Variants in EYS observed in about 807,000 individuals in gnomAD.
The protein encoded by EYS is EGF-like photoreceptor maintenance factor, also known as protein eyes shut homolog.
Under a neutral mutation model 282.1 loss-of-function variants are expected in EYS, and 250 were observed. That is an observed-to-expected ratio of 0.89 (90% CI 0.80 to 0.98). The LOEUF is 0.98. EYS is among the 50% of genes least tolerant of loss of function. The pLI, the probability that EYS is intolerant of heterozygous loss-of-function variation, is 0.00. For missense variants in EYS, 4,016 were observed against 3,709.0 expected (o/e 1.08, Z -2.15); for synonymous variants, 1,355 against 1,282.9 (o/e 1.06, Z -1.20).
At position 64,129,658 on chromosome 6, in the gene EYS, G is replaced by T. The variant is rs868419083; in HGVS notation, c.6425-47656C>A. ...AATTAGATCCCATTTGTCAATTTTG[G>T]CTTTTGTTGCCATTGCTTTTGGTGT... On this transcript the variant is annotated intron_variant, in intron 31 of 42. Transcript: ENST00000503581. Among the ~76,000 whole-genome samples the T allele has an allele frequency of 8.4e-4, 128 of 152,168 alleles. 1 individual carries two copies. Among genetic ancestry groups the T allele is most frequent in the African/African-American group, 2.7e-3 (113 of 41,524 alleles).
chr6:64,799,732 T>A (rs1225929675), intron 22 of EYS, among the ~76,000 whole-genome samples: 1 of 151,012 alleles, frequency 6.6e-6, no homozygotes, highest in African/African-American at 2.4e-5. Flanking sequence ...CTATCTCAAA[T>A]AAAAAATGTT....
chr6:64,064,741 C>T (rs369316267), intron 33 of EYS, among the ~76,000 whole-genome samples: 29 of 152,152 alleles, frequency 1.9e-4, no homozygotes, highest in African/African-American at 4.6e-4. Context: ...ATTTAACCCC[C>T]GAATAGCAAT....
intron 2 of EYS, among the ~76,000 whole-genome samples, chr6:65,575,367 G>C (rs1015152332): frequency 3.0e-5 from 3 of 99,994 alleles, no homozygotes; most frequent in Non-Finnish European, 6.6e-5. Flanking sequence ...TTGATTAAAA[G>C]AAAAAAGTTT....
chr6:64,914,359 G>A (rs1246539751), intron 15 of EYS, among the ~76,000 whole-genome samples: 2 of 151,960 alleles, frequency 1.3e-5, no homozygotes, highest in East Asian at 3.9e-4. Flanking sequence ...AACAAGCACA[G>A]GAAATATTAG....
intron 36 of EYS, among the ~76,000 whole-genome samples, chr6:63,815,687 A>G (rs943763510): frequency 5.3e-5 from 8 of 152,230 alleles, no homozygotes; most frequent in African/African-American, 1.9e-4. Context: ...ATAAGTTTTA[A>G]TAGAAGCTCA....
chr6:64,644,132 T>C (rs1424507218), intron 22 of EYS, among the ~76,000 whole-genome samples: 1 of 152,172 alleles, frequency 6.6e-6, no homozygotes, highest in African/African-American at 2.4e-5. Flanking sequence ...GCTGCAATTT[T>C]CCCCACCATA....
intron 30 of EYS, among the ~76,000 whole-genome samples, chr6:64,281,001 T>C (rs906130372): frequency 1.3e-5 from 2 of 152,146 alleles, no homozygotes; most frequent in Admixed American, 1.3e-4. Flanking sequence ...CTAACTATGG[T>C]TGTGGATAGG....
chr6:63,770,349 A>G (rs1769899624), intron 40 of EYS, among the ~76,000 whole-genome samples: 1 of 152,106 alleles, frequency 6.6e-6, no homozygotes, highest in African/African-American at 2.4e-5. Flanking sequence ...AGGCTGAGAT[A>G]AGAACAGAGA....
chr6:65,634,142 C>T (rs1183235068), intron 2 of EYS, among the ~76,000 whole-genome samples: 1 of 152,130 alleles, frequency 6.6e-6, no homozygotes, highest in African/African-American at 2.4e-5. Context: ...TTGTGAACAA[C>T]ACCTGGGATT....
At chr6:63,929,181 G>T (rs1764812646) in intron 35 of EYS, among the ~76,000 whole-genome samples, 1 of 152,200 alleles carries the variant, frequency 6.6e-6, no homozygotes, top group African/African-American at 2.4e-5. Context: ...GAAGTGAACT[G>T]TTTCTAATCT....
At chr6:64,967,451 A>T (rs532899590) in intron 14 of EYS, among the ~76,000 whole-genome samples, 7 of 151,968 alleles carry the variant, frequency 4.6e-5, no homozygotes, top group Admixed American at 3.3e-4. Flanking sequence ...CAGCCTCCCA[A>T]GTAACTGGAA....
chr6:65,532,913 A>T (rs572251023), intron 2 of EYS, among the ~76,000 whole-genome samples: 2 of 152,216 alleles, frequency 1.3e-5, no homozygotes, highest in South Asian at 4.1e-4. Context: ...CTTTTTAATG[A>T]AGTTTGTTTT....
chr6:63,927,659 CT>C (rs1056673283), intron 35 of EYS, among the ~76,000 whole-genome samples: 1 of 152,208 alleles, frequency 6.6e-6, no homozygotes, highest in Admixed American at 6.5e-5. Context: ...TTAACTTTAA[CT>C]CTGACATATT....
intron 12 of EYS, among the ~76,000 whole-genome samples, chr6:65,183,221 A>C (rs1449172674): frequency 6.6e-6 from 1 of 151,986 alleles, no homozygotes; most frequent in Non-Finnish European, 1.5e-5. Context: ...TTAAATGATT[A>C]TTTAGCATAA....
intron 2 of EYS, among the ~76,000 whole-genome samples, chr6:65,571,058 A>G (rs1307085452): frequency 1.3e-5 from 2 of 152,074 alleles, no homozygotes; most frequent in African/African-American, 2.4e-5. Context: ...GGGAGAATAT[A>G]TATTACACAT....
At chr6:64,092,627 G>C (rs1046210791) in intron 31 of EYS, among the ~76,000 whole-genome samples, 1 of 152,052 alleles carries the variant, frequency 6.6e-6, no homozygotes, top group African/African-American at 2.4e-5. Flanking sequence ...AAATTTGTTT[G>C]AGTACATTGT....
chr6:64,940,727 T>C (rs900664151), intron 15 of EYS, among the ~76,000 whole-genome samples: 6 of 152,066 alleles, frequency 3.9e-5, no homozygotes, highest in African/African-American at 1.2e-4. Context: ...ATAGTATCTA[T>C]GCCATTATTG....
chr6:64,758,856 T>C (rs1773063032), intron 22 of EYS, among the ~76,000 whole-genome samples: 1 of 152,078 alleles, frequency 6.6e-6, no homozygotes, highest in Non-Finnish European at 1.5e-5. Flanking sequence ...AAATTAGTCT[T>C]GGCCGGGCGC....
At chr6:65,375,273 G>A (rs539439875) in intron 8 of EYS, among the ~76,000 whole-genome samples, 1 of 152,270 alleles carries the variant, frequency 6.6e-6, no homozygotes, top group South Asian at 2.1e-4. Flanking sequence ...GCAAACTGCA[G>A]CAGACCTGCA....
Sources: allele counts gnomAD v4.1 joint callset (sites outside exome capture counted in the v4.1 genomes callset), GRCh38; gene constraint gnomAD v4.1.1; transcripts MANE v1.5; gene names NCBI Gene and HGNC (gene_info 2026-07-23, HGNC 2026-07-21).